ZNF600: variants seen among roughly 807,000 people sequenced by gnomAD.
ZNF600 encodes zinc finger protein KR-ZNF1.
In ZNF600, 4 loss-of-function variants were observed where a neutral mutation model predicts 7.3. The ratio of observed to expected loss-of-function variants is 0.55; its 90% confidence interval spans 0.27 to 1.25. ZNF600 has a LOEUF of 1.25. Among genes scored for constraint, ZNF600 ranks in the 50% most tolerant of loss-of-function variants. The pLI, the probability that ZNF600 is intolerant of heterozygous loss-of-function variation, is 0.12. For synonymous variants in ZNF600, 290 were observed against 308.9 expected (o/e 0.94, Z 0.64); for missense variants, 911 against 922.1 (o/e 0.99, Z 0.16).
At chr19:52,833,168 C>G in the ZNF600 span, among the ~76,000 whole-genome samples, 1 of 152,166 alleles carries the variant, frequency 6.6e-6, no homozygotes, top group South Asian at 2.1e-4. Flanking sequence ...TACCAGATAT[C>G]TGTGCACATT....
At chr19:52,768,928 A>T (rs1263065581) in intron 3 of ZNF600, among the ~76,000 whole-genome samples, 1 of 152,202 alleles carries the variant, frequency 6.6e-6, no homozygotes, top group Admixed American at 6.5e-5. Context: ...TCGCTCTATA[A>T]TCATAACCTA....
At chr19:52,813,268 A>AAAAAAAAAC in the ZNF600 span, among the ~76,000 whole-genome samples, 1 of 149,870 alleles carries the variant, frequency 6.7e-6, no homozygotes, top group Non-Finnish European at 1.5e-5. Flanking sequence ...AAAAAAAAAA[A>AAAAAAAAAC]AAAGACATAC....
At chr19:52,803,832 G>T in the ZNF600 span, among the ~76,000 whole-genome samples, 1 of 152,102 alleles carries the variant, frequency 6.6e-6, no homozygotes, top group Non-Finnish European at 1.5e-5. Context: ...GGTGGAGGGT[G>T]CCTGTAATCC....
intron 3 of ZNF600, among the ~76,000 whole-genome samples, chr19:52,771,774 G>A (rs1298638123): frequency 2.6e-5 from 4 of 152,032 alleles, no homozygotes; most frequent in Admixed American, 2.0e-4. Context: ...CATCACGCCC[G>A]TCCAATTTTT....
chr19:52,827,577 A>ATTT, the ZNF600 span, among the ~76,000 whole-genome samples: 1 of 143,428 alleles, frequency 7.0e-6, no homozygotes, highest in Admixed American at 7.0e-5. Context: ...TAGAAGAAGG[A>ATTT]TTTTTTTTTT....
At chr19:52,783,401 G>A (rs571608174) in intron 1 of ZNF600, among the ~76,000 whole-genome samples, 5 of 151,994 alleles carry the variant, frequency 3.3e-5, no homozygotes, top group Admixed American at 6.6e-5. Flanking sequence ...TCGCTCTGTC[G>A]CCCAGGCTGG....
chr19:52,772,284 G>C (rs2062636230), intron 3 of ZNF600, among the ~76,000 whole-genome samples: 1 of 151,898 alleles, frequency 6.6e-6, no homozygotes, highest in South Asian at 2.1e-4. Flanking sequence ...CTCCAGCCTG[G>C]GCAAGAAGAG....
chr19:52,793,549 G>T, the ZNF600 span, among the ~76,000 whole-genome samples: 1 of 152,210 alleles, frequency 6.6e-6, no homozygotes, highest in Admixed American at 6.5e-5. Flanking sequence ...ACAGGTAGGA[G>T]ATGAGGTCAG....
rs752945485 is a variant in ZNF600 at position 52,766,169 on chromosome 19, A to AT, written c.1793dup (p.Asn598LysfsTer2). ...TCTGACTGAAGGTCTTGCTGCACTCATTACACTTGTAAGGTTTCTCACCAC... is the reference window on the plus strand; with the variant it reads ...TCTGACTGAAGGTCTTGCTGCACTCATTTACACTTGTAAGGTTTCTCACCAC... On this transcript the variant is annotated frameshift_variant, in exon 4 of 4. Transcript: ENST00000648973. LOFTEE classifies it low-confidence loss of function (END_TRUNC). The AT allele has an allele frequency of 4.3e-6, 7 of 1,614,062 alleles. No individual in the cohort carries two copies. Among genetic ancestry groups the AT allele is most frequent in the Non-Finnish European group, 5.9e-6 (7 of 1,180,002 alleles).
At chr19:52,798,968 T>G in the ZNF600 span, 55 of 1,255,160 alleles carry the variant, frequency 4.4e-5, no homozygotes, top group Non-Finnish European at 5.6e-5. Context: ...TCTAGTATGG[T>G]GTGCCAGGTG....
intron 1 of ZNF600, among the ~76,000 whole-genome samples, chr19:52,779,296 C>A (rs905683552): frequency 1.3e-5 from 2 of 152,232 alleles, no homozygotes; most frequent in Non-Finnish European, 2.9e-5. Context: ...ACACAGATGA[C>A]AAGCACCTGC....
intron 3 of ZNF600, among the ~76,000 whole-genome samples, chr19:52,772,701 C>G (rs942442885): frequency 6.6e-6 from 1 of 152,170 alleles, no homozygotes; most frequent in Non-Finnish European, 1.5e-5. Flanking sequence ...ATGGACATGA[C>G]CCCAGTTTGC....
the ZNF600 span, chr19:52,801,079 GCTT>G: frequency 6.2e-7 from 1 of 1,614,078 alleles, no homozygotes; most frequent in Non-Finnish European, 8.5e-7. Context: ...GCAAGGTATC[GCTT>G]CTGATTAAAT....
At chr19:52,766,889 A>T (rs780648435) in exon 4 of ZNF600, 2 of 1,614,162 alleles carry the variant, frequency 1.2e-6, no homozygotes, top group Non-Finnish European at 8.5e-7. Context: ...GATGACGTGC[A>T]AGGTTTGATT....
At chr19:52,798,797 T>A in the ZNF600 span, 1 of 779,888 alleles carries the variant, frequency 1.3e-6, no homozygotes, top group South Asian at 1.3e-5. Context: ...GATTCTCCAA[T>A]GATTTGCAAT....
the ZNF600 span, chr19:52,798,885 G>T: frequency 1.4e-6 from 2 of 1,416,856 alleles, no homozygotes; most frequent in Admixed American, 1.9e-5. Flanking sequence ...GCTTGATGGT[G>T]AATAAGTGGT....
At chr19:52,829,766 C>A in the ZNF600 span, among the ~76,000 whole-genome samples, 43 of 152,188 alleles carry the variant, frequency 2.8e-4, no homozygotes, top group African/African-American at 9.6e-4. Context: ...CCCCCCTCAG[C>A]CTCCCAAAGT....
At chr19:52,818,580 C>G in the ZNF600 span, among the ~76,000 whole-genome samples, 101,332 of 151,906 alleles carry the variant, frequency 0.67, 34,611 homozygotes, top group Non-Finnish European at 0.73. Flanking sequence ...GGGCTTGATG[C>G]GCATCTGTAA....
chr19:52,783,134 G>A (rs974695045), intron 1 of ZNF600, among the ~76,000 whole-genome samples: 1 of 151,250 alleles, frequency 6.6e-6, no homozygotes, highest in Non-Finnish European at 1.5e-5. Context: ...AGGGGTTGCA[G>A]AGGGAAGCTG....
Sources: gnomAD v4.1 joint callset for allele counts (sites outside exome capture counted in the v4.1 genomes callset) on GRCh38, gnomAD v4.1.1 for gene constraint, MANE v1.5 for transcripts, NCBI Gene and HGNC (gene_info 2026-07-23, HGNC 2026-07-21) for gene names.